Variants in ZNF44 observed in about 807,000 individuals in gnomAD.
ZNF44 encodes zinc finger protein 44.
ZNF44 carries 9 observed loss-of-function variants against 11.7 expected under a neutral mutation model. The ratio of observed to expected loss-of-function variants is 0.77; its 90% CI spans 0.46 to 1.35. The LOEUF (loss-of-function observed/expected upper bound fraction) is 1.35. ZNF44 is among the 40% of genes most tolerant of loss of function. The pLI is 0.00. For synonymous variants in ZNF44, 224 were observed against 242.7 expected (o/e 0.92, Z 0.72); for missense variants, 696 against 743.1 (o/e 0.94, Z 0.74).
At chr19:12,258,971 C>T (rs1471010354) in intron 5 of ZNF44, among the ~76,000 whole-genome samples, 4 of 152,186 alleles carry the variant, frequency 2.6e-5, no homozygotes, top group South Asian at 2.1e-4. Context: ...ACCTCCCAGG[C>T]GCAAGCTACC....
intron 5 of ZNF44, among the ~76,000 whole-genome samples, chr19:12,254,716 CAG>C (rs1467684496): frequency 2.6e-5 from 4 of 151,650 alleles, no homozygotes; most frequent in Non-Finnish European, 5.9e-5. Context: ...GCCTGGGCGA[CAG>C]AGCGAGACTC....
At chr19:12,275,734 C>T (rs1248702399) in intron 2 of ZNF44, among the ~76,000 whole-genome samples, 3 of 152,172 alleles carry the variant, frequency 2.0e-5, no homozygotes, top group African/African-American at 4.8e-5. Context: ...GTGCTCGTCA[C>T]TTGTTTATAT....
chr19:12,278,324 C>T (rs1255790128), intron 1 of ZNF44, among the ~76,000 whole-genome samples: 1 of 152,244 alleles, frequency 6.6e-6, no homozygotes, highest in Non-Finnish European at 1.5e-5. Flanking sequence ...ACGCTTATCA[C>T]TGGCTTACTG....
chr19:12,227,600 C>T (rs527428502), intron 3 of ZNF44, among the ~76,000 whole-genome samples: 189 of 152,298 alleles, frequency 1.2e-3, no homozygotes, highest in African/African-American at 4.5e-3. Flanking sequence ...AAGTGAAAAT[C>T]CGTCTCAGAA....
downstream of ZNF44, among the ~76,000 whole-genome samples, chr19:12,225,689 C>T (rs1915885648): frequency 6.6e-6 from 1 of 152,092 alleles, no homozygotes; most frequent in African/African-American, 2.4e-5. Flanking sequence ...TAAAGCAATT[C>T]CCACACGGGT....
chr19:12,273,751 G>C lies in ZNF44; in HGVS notation c.504C>G (p.Pro168=), dbSNP rs780956936. The C allele has an allele frequency of 6.2e-7, 1 of 1,614,130 alleles. No homozygotes were observed. The highest frequency in any genetic ancestry group is 1.1e-5 in the South Asian group (1 of 91,076). The change falls in exon 4 of 4, where the codon CCC becomes CCG. Residue 168 remains proline, a synonymous_variant. Transcript: ENST00000355684. The stretch of plus-strand genomic sequence containing the variant: ...TTTTTCCACATTCCTTACAATCATA[G>C]GGTTTCTTTCCAGTGTGAGGCCTTT... ...TCERPHTGKK[P]YDCKECGKTF... is the part of the protein sequence containing the mutation.
chr19:12,260,616 AAAAC>A lies in ZNF44; in HGVS notation c.1913-10252_1913-10249del, dbSNP rs1384926805. On this transcript the variant is annotated intron_variant and NMD_transcript_variant, in intron 5 of 7. Coordinates refer to the ZNF44 transcript ENST00000393337. Reference sequence around the variant, plus strand: ...CTCATGCCCGCAAAAAACAAAAACAAAAACAAAAAAACAAAACAAAAACACAGGT... The same window carrying A: ...CTCATGCCCGCAAAAAACAAAAACAAAAAAAAACAAAACAAAAACACAGGT... 10 of 618,944 alleles carry A rather than the reference AAAAC, an allele frequency of 1.6e-5. No homozygotes were observed. In the African/African-American group the frequency reaches 1.7e-4, roughly 10 times the overall value. 38.3% of individuals were successfully genotyped at this position (618,944 alleles called of 1,614,324 possible).
At chr19:12,269,152 A>AAGG (rs56031273), downstream of ZNF44, among the ~76,000 whole-genome samples, 59,906 of 151,880 alleles carry the variant, frequency 0.39, 13,195 homozygotes, top group African/African-American at 0.61. Flanking sequence ...TCTGCCCAGC[A>AAGG]AGGAGAGTGA....
At position 12,257,660 on chromosome 19, in the gene ZNF44, G is replaced by T. The variant is rs184670614; in HGVS notation, c.1913-7292C>A. Among the ~76,000 whole-genome samples the T allele has an allele frequency of 1.4e-3, 159 of 114,038 alleles. 1 individual carries two copies. Among genetic ancestry groups the T allele is most frequent in the African/African-American group, 5.1e-3 (155 of 30,494 alleles). 74.8% of individuals were successfully genotyped at this position (114,038 alleles called of 152,430 possible). ...AATTAAAAATATAAAAATTAACCGG[G>T]CGTGGTGGCAGGTGCCTGTAATCCC... On this transcript the variant is annotated intron_variant and NMD_transcript_variant, in intron 5 of 7. Coordinates refer to the ZNF44 transcript ENST00000393337.
intron 3 of ZNF44, chr19:12,226,559 C>T (rs1381760402): frequency 1.3e-5 from 2 of 152,150 alleles, no homozygotes; most frequent in Non-Finnish European, 2.9e-5. Flanking sequence ...TCTTGTTGCA[C>T]TTATGCAAAT....
At chr19:12,266,088 G>T (rs1917716051) in intron 5 of ZNF44, among the ~76,000 whole-genome samples, 1 of 152,114 alleles carries the variant, frequency 6.6e-6, no homozygotes, top group South Asian at 2.1e-4. Context: ...AGGACAGGAC[G>T]CCCGGGGTCC....
chr19:12,285,975 C>T (rs1967724613), intron 1 of ZNF44, among the ~76,000 whole-genome samples: 1 of 97,194 alleles, frequency 1.0e-5, no homozygotes, highest in African/African-American at 6.6e-5. Flanking sequence ...GCCGAGATCA[C>T]GCCACTGCAC....
upstream of ZNF44, among the ~76,000 whole-genome samples, chr19:12,241,700 A>G (rs1288688775): frequency 6.6e-6 from 1 of 152,178 alleles, no homozygotes; most frequent in African/African-American, 2.4e-5. Context: ...GTTGCAATCA[A>G]TCAACCATGG....
downstream of ZNF44, among the ~76,000 whole-genome samples, chr19:12,268,177 CACACA>C (rs750205576): frequency 4.6e-3 from 658 of 142,446 alleles, 10 homozygotes; most frequent in East Asian, 0.021. Flanking sequence ...CACACACACA[CACACA>C]AGCTCCTTCC....
At chr19:12,292,278 C>G (rs564093459) in intron 1 of ZNF44, among the ~76,000 whole-genome samples, 2 of 152,106 alleles carry the variant, frequency 1.3e-5, no homozygotes, top group East Asian at 3.9e-4. Context: ...CCACTACACT[C>G]CAGCCTGGGC....
At chr19:12,283,389 C>T (rs190304349) in intron 1 of ZNF44, among the ~76,000 whole-genome samples, 1 of 152,106 alleles carries the variant, frequency 6.6e-6, no homozygotes, top group South Asian at 2.1e-4. Flanking sequence ...AGTGCAGTGG[C>T]GTGATCTTGG....
chr19:12,283,316 T>C (rs1967564544), intron 1 of ZNF44, among the ~76,000 whole-genome samples: 1 of 152,178 alleles, frequency 6.6e-6, no homozygotes, highest in Non-Finnish European at 1.5e-5. Context: ...AGCACACTTT[T>C]AGAAATTACA....
chr19:12,249,277 G>A (rs991680710), intron 7 of ZNF44, among the ~76,000 whole-genome samples: 7 of 151,312 alleles, frequency 4.6e-5, no homozygotes, highest in East Asian at 2.0e-4. Flanking sequence ...AGGCCGAGGC[G>A]GGCGGATCAC....
chr19:12,265,332 C>T (rs764069776), intron 5 of ZNF44, among the ~76,000 whole-genome samples: 12 of 152,018 alleles, frequency 7.9e-5, no homozygotes, highest in South Asian at 2.1e-4. Flanking sequence ...CTGCAGTAAG[C>T]CTTGATCCCC....
Sources: allele counts gnomAD v4.1 joint callset (sites outside exome capture counted in the v4.1 genomes callset), GRCh38; gene constraint gnomAD v4.1.1; transcripts MANE v1.5; gene names NCBI Gene and HGNC (gene_info 2026-07-23, HGNC 2026-07-21).